Variants in MATCAP2 observed in about 807,000 individuals in gnomAD.
MATCAP2 encodes microtubule associated tyrosine carboxypeptidase 2, also known as putative tyrosine carboxypeptidase MATCAP2.
At chr7:36,326,899 T>A in the MATCAP2 span, 1 of 1,608,172 alleles carries the variant, frequency 6.2e-7, no homozygotes, top group African/African-American at 1.3e-5. Flanking sequence ...TTTTAAGCGA[T>A]CCACATCTTC....
At chr7:36,367,219 G>T in the MATCAP2 span, 1 of 1,152,064 alleles carries the variant, frequency 8.7e-7, no homozygotes, top group Non-Finnish European at 1.1e-6. Context: ...TGACGTAGCC[G>T]CTCCGCCGGT....
At chr7:36,366,784 C>G in the MATCAP2 span, 9 of 1,534,314 alleles carry the variant, frequency 5.9e-6, no homozygotes, top group East Asian at 2.2e-4. Context: ...CTGCGCGCCC[C>G]GAAGGGGTCG....
the MATCAP2 span, among the ~76,000 whole-genome samples, chr7:36,328,815 G>A: frequency 6.6e-6 from 1 of 152,106 alleles, no homozygotes; most frequent in Non-Finnish European, 1.5e-5. Context: ...GGAGGCCGAG[G>A]CAGGCGCATC....
the MATCAP2 span, among the ~76,000 whole-genome samples, chr7:36,374,354 ATAGGCATGATCTAC>A: frequency 1.3e-5 from 2 of 151,918 alleles, no homozygotes; most frequent in African/African-American, 2.4e-5. Flanking sequence ...TGCTGGGATT[ATAGGCATGATCTAC>A]TGCACCTGGC....
the MATCAP2 span, among the ~76,000 whole-genome samples, chr7:36,379,779 C>T: frequency 1.2e-4 from 17 of 142,576 alleles, no homozygotes; most frequent in South Asian, 1.9e-3. Flanking sequence ...TGTTACTATA[C>T]GAATACTGGA....
At chr7:36,381,887 G>A in the MATCAP2 span, among the ~76,000 whole-genome samples, 1 of 152,106 alleles carries the variant, frequency 6.6e-6, no homozygotes, top group Non-Finnish European at 1.5e-5. Flanking sequence ...TGAACCCTGG[G>A]TCTGGAAATA....
chr7:36,327,312 G>T, the MATCAP2 span, among the ~76,000 whole-genome samples: 4 of 151,946 alleles, frequency 2.6e-5, no homozygotes, highest in Non-Finnish European at 2.9e-5. Flanking sequence ...CTAATTTTTT[G>T]TATTTTTAGT....
chr7:36,329,482 T>G, the MATCAP2 span, among the ~76,000 whole-genome samples: 1 of 152,170 alleles, frequency 6.6e-6, no homozygotes, highest in Admixed American at 6.5e-5. Flanking sequence ...GAAACAAGAC[T>G]TCATTAGAGA....
chr7:36,362,939 T>G, the MATCAP2 span, among the ~76,000 whole-genome samples: 1 of 152,332 alleles, frequency 6.6e-6, no homozygotes, highest in East Asian at 1.9e-4. Context: ...TATGACAGAC[T>G]TCGTCAACAA....
chr7:36,331,135 A>T, the MATCAP2 span: 1 of 983,324 alleles, frequency 1.0e-6, no homozygotes, highest in Non-Finnish European at 1.6e-6. Flanking sequence ...TACTAAGTAG[A>T]TATCAACCCA....
the MATCAP2 span, among the ~76,000 whole-genome samples, chr7:36,334,695 A>T: frequency 2.0e-5 from 3 of 152,274 alleles, no homozygotes; most frequent in South Asian, 4.1e-4. Context: ...AGGAGGTATA[A>T]CCTTTATAAC....
the MATCAP2 span, among the ~76,000 whole-genome samples, chr7:36,384,530 C>A: frequency 3.9e-5 from 6 of 152,000 alleles, no homozygotes; most frequent in Non-Finnish European, 7.4e-5. Flanking sequence ...TAAACAAGTC[C>A]CTGCACTGCC....
the MATCAP2 span, chr7:36,367,085 G>T: frequency 8.0e-7 from 1 of 1,255,204 alleles, no homozygotes; most frequent in Admixed American, 4.3e-5. Context: ...GCAGGATAAG[G>T]AGGGTAAGGG....
At chr7:36,381,431 G>A in the MATCAP2 span, among the ~76,000 whole-genome samples, 2 of 152,146 alleles carry the variant, frequency 1.3e-5, no homozygotes, top group South Asian at 4.1e-4. Flanking sequence ...ATCACTTTGG[G>A]AAGCCGAGGC....
At chr7:36,342,387 T>G in the MATCAP2 span, among the ~76,000 whole-genome samples, 1 of 144,126 alleles carries the variant, frequency 6.9e-6, no homozygotes, top group Admixed American at 6.8e-5. Context: ...ACCATGTTGG[T>G]CAGGCTGGTC....
the MATCAP2 span, among the ~76,000 whole-genome samples, chr7:36,339,661 G>T: frequency 1.3e-5 from 2 of 152,200 alleles, no homozygotes; most frequent in Non-Finnish European, 2.9e-5. Context: ...AGCATACTTT[G>T]CATACACTAA....
the MATCAP2 span, among the ~76,000 whole-genome samples, chr7:36,327,305 A>AT: frequency 6.6e-6 from 1 of 151,984 alleles, no homozygotes; most frequent in Non-Finnish European, 1.5e-5. Context: ...CACCTGGCTA[A>AT]TTTTTTGTAT....
At chr7:36,347,632 T>C in the MATCAP2 span, among the ~76,000 whole-genome samples, 1 of 152,204 alleles carries the variant, frequency 6.6e-6, no homozygotes, top group Admixed American at 6.5e-5. Context: ...AATGAAAGCA[T>C]GGAGGGGCTG....
the MATCAP2 span, among the ~76,000 whole-genome samples, chr7:36,386,447 A>ATATGTGTG: frequency 6.7e-6 from 1 of 148,436 alleles, no homozygotes; most frequent in Non-Finnish European, 1.5e-5. Flanking sequence ...GTATGTGTGT[A>ATATGTGTG]TGTGTGTGTG....
Sources: allele counts gnomAD v4.1 joint callset (sites outside exome capture counted in the v4.1 genomes callset), GRCh38; gene constraint gnomAD v4.1.1; transcripts MANE v1.5; gene names NCBI Gene and HGNC (gene_info 2026-07-23, HGNC 2026-07-21).